Variants in PRELID2 observed in about 807,000 individuals in gnomAD.
The protein encoded by PRELID2 is PRELI domain-containing protein 2.
Under a neutral mutation model 28.4 loss-of-function variants are expected in PRELID2, and 25 were observed. That is an observed-to-expected ratio of 0.88 (90% CI 0.64 to 1.23). PRELID2 has a LOEUF of 1.23. Among genes scored for constraint, PRELID2 ranks in the 50% most tolerant of loss-of-function variants. PRELID2 has a pLI of 0.00. For missense variants in PRELID2, 201 were observed against 214.4 expected (o/e 0.94, Z 0.39); for synonymous variants, 76 against 71.6 (o/e 1.06, Z -0.31).
intron 1 of PRELID2, chr5:145,729,222 C>T: frequency 2.3e-6 from 2 of 854,980 alleles, no homozygotes; most frequent in Non-Finnish European, 3.9e-6. Context: ...CCAGAATGCC[C>T]TGAATCTTAC....
the PRELID2 span, among the ~76,000 whole-genome samples, chr5:145,308,095 T>C: frequency 1.3e-5 from 2 of 152,094 alleles, no homozygotes; most frequent in Non-Finnish European, 2.9e-5. Flanking sequence ...CTAACTACTC[T>C]AGCAAGAATG....
intron 1 of PRELID2, among the ~76,000 whole-genome samples, chr5:145,516,987 C>G (rs935020442): frequency 2.0e-5 from 3 of 152,052 alleles, no homozygotes; most frequent in Middle Eastern, 3.4e-3. Context: ...AAAAATTAAC[C>G]CAAGATGGAT....
the PRELID2 span, among the ~76,000 whole-genome samples, chr5:145,407,311 C>T: frequency 6.6e-6 from 1 of 152,156 alleles, no homozygotes; most frequent in Middle Eastern, 3.2e-3. Context: ...GCCTTGCTGG[C>T]TCTGGATAAG....
At chr5:145,285,255 G>A in the PRELID2 span, among the ~76,000 whole-genome samples, 1 of 152,080 alleles carries the variant, frequency 6.6e-6, no homozygotes, top group Non-Finnish European at 1.5e-5. Context: ...GACTACAAAG[G>A]GGAGCTAAAT....
At chr5:145,599,676 A>G (rs974783621) in intron 1 of PRELID2, among the ~76,000 whole-genome samples, 3 of 152,190 alleles carry the variant, frequency 2.0e-5, no homozygotes, top group African/African-American at 7.2e-5. Flanking sequence ...CATGTACTTA[A>G]TAAATATTTC....
the PRELID2 span, among the ~76,000 whole-genome samples, chr5:145,403,701 T>C: frequency 5.9e-5 from 9 of 152,222 alleles, no homozygotes; most frequent in East Asian, 1.7e-3. Flanking sequence ...TCCTACGACA[T>C]GGGTGTTATT....
intron 4 of PRELID2, among the ~76,000 whole-genome samples, chr5:145,811,655 C>G (rs1463629356): frequency 2.0e-5 from 3 of 152,166 alleles, no homozygotes; most frequent in Non-Finnish European, 4.4e-5. Context: ...AGACCCTGTG[C>G]AGGCCTGGAG....
the PRELID2 span, among the ~76,000 whole-genome samples, chr5:145,444,289 T>C: frequency 6.6e-6 from 1 of 152,048 alleles, no homozygotes; most frequent in Admixed American, 6.6e-5. Flanking sequence ...CCCTGAACAG[T>C]GAACCCTGGA....
At chr5:145,471,232 T>C (rs890950905), downstream of PRELID2, among the ~76,000 whole-genome samples, 1 of 152,130 alleles carries the variant, frequency 6.6e-6, no homozygotes, top group African/African-American at 2.4e-5. Flanking sequence ...ATCTCTCTCA[T>C]AGATAACTGC....
rs114079962 is a variant in PRELID2, at chr5:145,814,623, G to A, written c.368+3271C>T. ...GCTTAAGAATGGATTTTAAATTTTC[G>A]GTTTATAGTTGTTTGGGCTTGAGGG... On this transcript the variant is annotated intron_variant, in intron 4 of 6. Transcript: ENST00000683046. Among the ~76,000 whole-genome samples the A allele has an allele frequency of 5.5e-3, 836 of 151,992 alleles. 6 individuals are homozygous for A. The highest frequency in any genetic ancestry group is 0.019 in the African/African-American group (797 of 41,446).
intron 1 of PRELID2, among the ~76,000 whole-genome samples, chr5:145,583,165 A>G (rs1467837370): frequency 6.6e-6 from 1 of 152,202 alleles, no homozygotes; most frequent in Non-Finnish European, 1.5e-5. Context: ...GTGATTCATC[A>G]CAAAAACAGA....
chr5:145,797,914 C>T (rs1185338828), intron 4 of PRELID2, among the ~76,000 whole-genome samples: 1 of 151,758 alleles, frequency 6.6e-6, no homozygotes, highest in East Asian at 1.9e-4. Context: ...TCACAAAGAA[C>T]TTGAAATAAC....
chr5:145,722,841 T>C (rs979086211), intron 1 of PRELID2, among the ~76,000 whole-genome samples: 1 of 152,112 alleles, frequency 6.6e-6, no homozygotes, highest in African/African-American at 2.4e-5. Context: ...TTTACCAACA[T>C]TGACTAAAGT....
chr5:145,280,081 G>C, the PRELID2 span, among the ~76,000 whole-genome samples: 1 of 152,088 alleles, frequency 6.6e-6, no homozygotes. Flanking sequence ...GATTTACTGT[G>C]AACCAAACCA....
chr5:145,692,540 T>C (rs1030685040), intron 1 of PRELID2, among the ~76,000 whole-genome samples: 2 of 152,172 alleles, frequency 1.3e-5, no homozygotes, highest in Admixed American at 6.5e-5. Flanking sequence ...GCTCAGTGTT[T>C]TCACCCAAAA....
intron 1 of PRELID2, among the ~76,000 whole-genome samples, chr5:145,602,565 A>G (rs892007088): frequency 6.6e-6 from 1 of 152,158 alleles, no homozygotes; most frequent in African/African-American, 2.4e-5. Flanking sequence ...TGTTTATCAC[A>G]GTAAAGGAAA....
At chr5:145,390,845 A>G in the PRELID2 span, among the ~76,000 whole-genome samples, 129 of 152,330 alleles carry the variant, frequency 8.5e-4, no homozygotes, top group Non-Finnish European at 9.1e-4. Flanking sequence ...AGCTACAGAC[A>G]TTGGGTAAAT....
the PRELID2 span, among the ~76,000 whole-genome samples, chr5:145,424,188 T>G: frequency 6.6e-6 from 1 of 151,926 alleles, no homozygotes; most frequent in Admixed American, 6.6e-5. Context: ...GCTGTCTTTT[T>G]GTTTGTCTGT....
the PRELID2 span, among the ~76,000 whole-genome samples, chr5:145,415,259 T>TG: frequency 6.6e-6 from 1 of 152,060 alleles, no homozygotes; most frequent in South Asian, 2.1e-4. Flanking sequence ...TGTTTTGTTT[T>TG]TTATTTTATT....
Sources: gnomAD v4.1 joint callset for allele counts (sites outside exome capture counted in the v4.1 genomes callset) on GRCh38, gnomAD v4.1.1 for gene constraint, MANE v1.5 for transcripts, NCBI Gene and HGNC (gene_info 2026-07-23, HGNC 2026-07-21) for gene names.